The following POLE variants were observed in gnomAD, a reference collection of about 807,000 sequenced individuals.
POLE encodes DNA polymerase epsilon catalytic subunit A.
POLE carries 188 observed loss-of-function variants against 279.2 expected under a neutral mutation model. The observed-to-expected ratio is 0.67, with a 90% CI of 0.60 to 0.76. The LOEUF is 0.76. Among genes scored for constraint, POLE ranks in the 30% least tolerant of loss-of-function variants. The pLI is 0.00. For missense variants in POLE, 2,703 were observed against 3,016.7 expected (o/e 0.90, Z 2.44); for synonymous variants, 1,214 against 1,172.5 (o/e 1.04, Z -0.72).
chr12:132,665,210 C>T, intron 21 of POLE, 92 bp downstream of exon 21: 1 of 1,304,498 alleles, frequency 7.7e-7, no homozygotes. Context: ...GATGAACGGC[C>T]CTCCATGCAC....
intron 45 of POLE, among the ~76,000 whole-genome samples, chr12:132,629,094 T>G (rs1016909823): frequency 6.6e-6 from 1 of 152,234 alleles, no homozygotes; most frequent in African/African-American, 2.4e-5. Context: ...TGCTCCTTGA[T>G]CCATGGGCTG....
chr12:132,673,470 G>C lies in POLE; in HGVS notation c.1359+105C>G. 2.0e-6 allele frequency: 3 copies of C among 1,517,216 alleles called. No homozygotes were observed. In the South Asian group the frequency reaches 3.6e-5, roughly 18 times the overall value. 94.0% of individuals were successfully genotyped at this position (1,517,216 alleles called of 1,614,324 possible). On this transcript the variant is annotated intron_variant, in intron 13 of 48. Coordinates refer to ENST00000320574, the MANE Select transcript of POLE (RefSeq NM_006231.4). ...CGGGCTGGCATACATGCGTGCACACGGCAGCAGGGGGAGCCGGGATGTGGC... is the reference window on the plus strand; with the variant it reads ...CGGGCTGGCATACATGCGTGCACACCGCAGCAGGGGGAGCCGGGATGTGGC...
Position 132,664,532 on chromosome 12 carries a change from G to A in POLE, c.2469-70C>T. On this transcript the variant is annotated intron_variant, in intron 21 of 48. Coordinates refer to ENST00000320574, the MANE Select transcript of POLE (RefSeq NM_006231.4). This position sits in a 1 kb window ranked among gnomAD's most constrained non-coding sequence, Gnocchi z 5.3. Reference sequence around the variant, plus strand: ...TCCAGGGGGTATCAGAGGCAGTGAGGAGTAGGGAGGAGGAAAGGAGAGATG... The same window carrying A: ...TCCAGGGGGTATCAGAGGCAGTGAGAAGTAGGGAGGAGGAAAGGAGAGATG... 8.8e-7 allele frequency: 1 copy of A among 1,132,670 alleles called. No homozygotes were observed. Among genetic ancestry groups the A allele is most frequent in the South Asian group, 1.2e-5 (1 of 80,382 alleles). 70.2% of individuals were successfully genotyped at this position (1,132,670 alleles called of 1,614,324 possible).
chr12:132,673,409 C>T, intron 13 of POLE, 132 bp from the exon 14 acceptor site: 8 of 1,197,200 alleles, frequency 6.7e-6, no homozygotes, highest in Non-Finnish European at 4.9e-6. Flanking sequence ...CAGGACAAAA[C>T]ACGTGTGTCC....
chr12:132,634,068 G>C lies in POLE; in HGVS notation c.6004+118C>G. 1.1e-6 allele frequency: 1 copy of C among 948,808 alleles called. No homozygotes were observed. The highest frequency in any genetic ancestry group is 1.6e-5 in the South Asian group (1 of 62,228). The allele number at this position is 948,808 out of a possible 1,614,324, so 58.8% of individuals were successfully genotyped here. A position where few individuals can be genotyped will look rare whatever the true frequency, so the allele number is the denominator to read the frequency against. On this transcript the variant is annotated intron_variant, in intron 43 of 48. Transcript: ENST00000320574. This position sits in a 1 kb window ranked among gnomAD's most constrained non-coding sequence, Gnocchi z 4.0. ...TCACAAAGTCCCAACTGCTGGGCAG[G>C]CTCCGCCCGATCTGATTTTCCCTGT...
At chr12:132,651,565 T>A (rs1225834660) in intron 29 of POLE, among the ~76,000 whole-genome samples, 1 of 152,220 alleles carries the variant, frequency 6.6e-6, no homozygotes, top group African/African-American at 2.4e-5. Context: ...TGCAGGCAGC[T>A]CCCAAAATGG....
intron 32 of POLE, among the ~76,000 whole-genome samples, chr12:132,647,981 T>C (rs1436408899): frequency 6.6e-6 from 1 of 152,142 alleles, no homozygotes; most frequent in Non-Finnish European, 1.5e-5. Context: ...GAAAACCTCC[T>C]TGTGTAGGTA....
intron 45 of POLE, among the ~76,000 whole-genome samples, chr12:132,630,957 A>T (rs2041923016): frequency 6.6e-6 from 1 of 152,208 alleles, no homozygotes; most frequent in South Asian, 2.1e-4. Flanking sequence ...TTAAAAAATG[A>T]CCTCAGAGAA....
At position 132,675,487 on chromosome 12, in the gene POLE, G is replaced by A. The variant is rs376333939; in HGVS notation, c.1137C>T (p.His379=). The A allele has an allele frequency of 1.6e-5, 26 of 1,614,000 alleles. No homozygotes were observed. The highest frequency in any genetic ancestry group is 8.8e-5 in the South Asian group (8 of 91,092). The part of the protein sequence containing the change: ...WPFVEARAAV[H]GLSMQQEIGF... ...CTATCTCCTGCTGCATGCTCAGACC[G>A]TGGACTGCTGCCCGGGCCTCCACAA... The change falls in exon 12 of 49, where the codon CAC becomes CAT. Residue 379 remains histidine (H), a synonymous_variant. Coordinates refer to ENST00000320574, the MANE Select transcript of POLE (RefSeq NM_006231.4). The surrounding 1 kb of genome is among the most constrained non-coding windows in gnomAD (Gnocchi z 4.3).
Position 132,642,727 on chromosome 12 carries a change from C to T in POLE, c.4731G>A (p.Glu1577=), listed in dbSNP as rs772361606. 1 of 1,613,502 alleles carries T rather than the reference C, an allele frequency of 6.2e-7. No homozygotes were observed. Among genetic ancestry groups the T allele is most frequent in the Admixed American group, 1.7e-5 (1 of 59,972 alleles). ...CGATGAGTGTGGGCCCCCGGCGCTC[C>T]TCCTGGGTCAAGGCAAAATGGAAGA... ...AIQRFLLAYK[E]ERRGPTLIAV... The change falls in exon 37 of 49, where the codon GAG becomes GAA. Residue 1577 remains glutamate, a splice_region_variant and synonymous_variant. Coordinates refer to ENST00000320574, the MANE Select transcript of POLE (RefSeq NM_006231.4).
At chr12:132,687,043 C>T (rs1166430813) in intron 1 of POLE, among the ~76,000 whole-genome samples, 3 of 151,684 alleles carry the variant, frequency 2.0e-5, no homozygotes, top group African/African-American at 7.2e-5. Context: ...CGCCTCGTTT[C>T]CCCGCAAAGA....
Position 132,681,130 on chromosome 12 carries a change from G to A in POLE, c.204+8C>T, listed in dbSNP as rs749595462. ...TATTCCTGGGTGGGAGAAGGACCTA[G>A]TGCTTACAGGATGCATGTTAATGAG... On this transcript the variant is annotated splice_region_variant and intron_variant, in intron 2 of 48. Coordinates refer to ENST00000320574, the MANE Select transcript of POLE (RefSeq NM_006231.4). 1 of 1,613,994 alleles carries A rather than the reference G, an allele frequency of 6.2e-7. No homozygotes were observed. Among genetic ancestry groups the A allele is most frequent in the Non-Finnish European group, 8.5e-7 (1 of 1,179,988 alleles).
chr12:132,669,498 C>A (rs2042876065), intron 16 of POLE, among the ~76,000 whole-genome samples: 1 of 151,726 alleles, frequency 6.6e-6, no homozygotes, highest in Non-Finnish European at 1.5e-5. Context: ...ATCCTTAAAA[C>A]CCTCCAAAGT....
In POLE at chr12:132,668,396, G is replaced by A. The variant is rs1368511972; in HGVS notation, c.2133C>T (p.Ser711=). 1 of 1,610,082 alleles carries A rather than the reference G, an allele frequency of 6.2e-7. No individual in the cohort carries two copies. ...TCTCGTATTTCGCCTGTTCCTCGCG[G>A]GACAGTTCATGAAAGGCCCGAGCTG... The part of the protein sequence containing the change: ...EGPARAFHEL[S]REEQAKYEKR... Residue 711 remains serine, a synonymous_variant, in exon 19 of 49, where the codon TCC becomes TCT. Coordinates refer to ENST00000320574, the MANE Select transcript of POLE (RefSeq NM_006231.4). The surrounding 1 kb of genome is among the most constrained non-coding windows in gnomAD (Gnocchi z 4.0).
intron 45 of POLE, among the ~76,000 whole-genome samples, chr12:132,628,598 G>A (rs550446246): frequency 1.9e-4 from 29 of 152,266 alleles, no homozygotes; most frequent in South Asian, 4.2e-4. Flanking sequence ...AGCCAAGACC[G>A]CACCACTGTA....
In POLE at chr12:132,661,533, T is replaced by G; in HGVS notation, c.2858A>C (p.Lys953Thr). Reference sequence around the variant, plus strand: ...AAAGCTATGAGAGTCCCACCTCTTCTTCAATTTCTTGCCTTCTTCCTTGGA... The same window carrying G: ...AAAGCTATGAGAGTCCCACCTCTTCGTCAATTTCTTGCCTTCTTCCTTGGA... The part of the protein sequence containing the change: ...PASKEEGKKL[K>T]KRYAVFNEDG... The change falls in exon 24 of 49, where the codon AAG becomes ACG. Residue 953 changes from lysine to threonine, a missense_variant. Physicochemically the swap from Lys to Thr is moderately conservative, Grantham distance 78. Around this residue, in one of 5 missense-constraint regions of POLE, gnomAD observed 101 missense variants for 115.4 expected, o/e 0.87. Transcript: ENST00000320574. This position sits in a 1 kb window ranked among gnomAD's most constrained non-coding sequence, Gnocchi z 4.1. 1 of 1,614,154 alleles carries G rather than the reference T, an allele frequency of 6.2e-7. No homozygotes were observed. The highest frequency in any genetic ancestry group is 8.5e-7 in the Non-Finnish European group (1 of 1,180,000).
In POLE at chr12:132,658,881, C is replaced by CAAAAAAAAAAAAAAAAAAAAAAAAA. The variant is rs1167117347; in HGVS notation, c.3275+389_3275+413dup. On this transcript the variant is annotated intron_variant, in intron 26 of 48. Coordinates refer to ENST00000320574, the MANE Select transcript of POLE (RefSeq NM_006231.4). ...ACTGGTCCTATTTGTATATAACCAC[C>CAAAAAAAAAAAAAAAAAAAAAAAAA]AAAAAAAAAAAAAAAAAAAAAAAAA... 1.5e-3 allele frequency among the ~76,000 whole-genome samples: 50 copies of CAAAAAAAAAAAAAAAAAAAAAAAAA among 33,836 alleles called. 13 individuals carry two copies. The highest frequency in any genetic ancestry group is 2.3e-3 in the Non-Finnish European group (42 of 17,928). The allele number at this position is 33,836 out of a possible 152,430, so 22.2% of individuals were successfully genotyped here. A position where few individuals can be genotyped will look rare whatever the true frequency, so the allele number is the denominator to read the frequency against.
chr12:132,685,741 T>C (rs985533617), intron 1 of POLE, among the ~76,000 whole-genome samples: 2 of 152,232 alleles, frequency 1.3e-5, no homozygotes, highest in African/African-American at 4.8e-5. Context: ...CCTGCCTCTC[T>C]AGGGCTTGCC....
chr12:132,643,748 C>A (rs2138556411), intron 33 of POLE, 89 bp downstream of exon 33: 2 of 1,500,796 alleles, frequency 1.3e-6, no homozygotes, highest in South Asian at 1.2e-5. Flanking sequence ...CGCTGCTGTT[C>A]CCCAGCCCAC....
Sources: gnomAD v4.1 joint callset for allele counts (sites outside exome capture counted in the v4.1 genomes callset) on GRCh38, gnomAD v4.1.1 for gene constraint, gnomAD v4.1.1 regional missense constraint, Gnocchi (gnomAD v3.1) non-coding constraint, MANE v1.5 for transcripts, NCBI Gene and HGNC (gene_info 2026-07-23, HGNC 2026-07-21) for gene names.